The following LRPAP1 variants were observed in gnomAD, a reference collection of about 807,000 sequenced individuals.
The protein encoded by LRPAP1 is LDL receptor related protein associated protein 1, also known as alpha-2-macroglobulin receptor-associated protein.
LRPAP1 carries 41 observed loss-of-function variants against 39.9 expected under a neutral mutation model. The ratio of observed to expected loss-of-function variants is 1.03; its 90% CI spans 0.80 to 1.33. LRPAP1 has a LOEUF of 1.33. LRPAP1 is among the 40% of genes most tolerant of loss of function. The pLI is 0.00. For missense variants in LRPAP1, 565 were observed against 482.3 expected, an observed-to-expected ratio of 1.17 and a Z score of -1.61; for synonymous variants, 263 against 212.7, an observed-to-expected ratio of 1.24 and a Z score of -2.06.
chr4:3,505,035 T>C lies in LRPAP1; in HGVS notation c.*7939A>G, dbSNP rs73080986. On this transcript the variant is annotated 3_prime_UTR_variant, in exon 8 of 8. Coordinates refer to ENST00000650182, the MANE Select transcript of LRPAP1 (RefSeq NM_002337.4). ...GACAGGAACAGACCATTGGAGACTT[T>C]AGGGATGGTTAGTGATACCAGAGGC... 8.8e-3 allele frequency among the ~76,000 whole-genome samples: 1,332 copies of C among 152,216 alleles called. 20 individuals carry two copies. Among genetic ancestry groups the C allele is most frequent in the African/African-American group, 0.03 (1,247 of 41,528 alleles).
rs554105461 is a variant in LRPAP1, at chr4:3,514,519, C to T, written c.1011+233G>A. Among the ~76,000 whole-genome samples the T allele has an allele frequency of 2.6e-4, 39 of 152,362 alleles. No individual in the cohort carries two copies. In the South Asian group the frequency reaches 7.5e-3, roughly 29 times the overall value. ...CGAGGCAGTGGCCCGCCGGGGCCTGCGCTCTCACCTGAGGGTCGGGGGACT... is the reference window on the plus strand; with the variant it reads ...CGAGGCAGTGGCCCGCCGGGGCCTGTGCTCTCACCTGAGGGTCGGGGGACT... On this transcript the variant is annotated intron_variant, in intron 7 of 7. Coordinates refer to ENST00000650182, the MANE Select transcript of LRPAP1 (RefSeq NM_002337.4).
intron 1 of LRPAP1, chr4:3,531,898 T>A (rs1000063787): frequency 6.6e-6 from 3 of 456,410 alleles, no homozygotes; most frequent in Non-Finnish European, 1.2e-5. Context: ...ACCTGTGATC[T>A]AGCCTGGTTC....
intron 7 of LRPAP1, 51 bp downstream of exon 7, chr4:3,514,701 T>C (rs1340909347): frequency 1.9e-6 from 3 of 1,547,728 alleles, no homozygotes; most frequent in Middle Eastern, 2.2e-4. Flanking sequence ...GGCGGCCTCA[T>C]CTTTCCTGCA....
At chr4:3,513,776 C>T (rs1213559260) in intron 7 of LRPAP1, among the ~76,000 whole-genome samples, 6 of 152,332 alleles carry the variant, frequency 3.9e-5, no homozygotes, top group Middle Eastern at 6.8e-3. Context: ...GCAGGTGCTG[C>T]GTCAGCCCAG....
rs183524905 is a variant in LRPAP1 at position 3,527,555 on chromosome 4, T to G, written c.205-2504A>C. ...AGGCGCCTTACTTACCGTGCTGCAC[T>G]GCCCGGGAGGGTCTGAGATGCGAGG... On this transcript the variant is annotated intron_variant, in intron 1 of 7. Transcript: ENST00000650182. Among the ~76,000 whole-genome samples, 13 of 151,914 alleles carry G rather than the reference T, an allele frequency of 8.6e-5. No individual in the cohort carries two copies. The East Asian group carries it at 1.7e-3, about 20-fold the overall frequency.
intron 2 of LRPAP1, among the ~76,000 whole-genome samples, chr4:3,521,161 G>A (rs1729898089): frequency 6.6e-6 from 1 of 152,198 alleles, no homozygotes; most frequent in African/African-American, 2.4e-5. Context: ...TTAGCGGGCG[G>A]TGGGCTTGCC....
Position 3,507,493 on chromosome 4 carries a change from T to C in LRPAP1, c.*5481A>G, listed in dbSNP as rs543844853. ...CATATCATATATTTATACATTATCATCTGCGAATTACTGACATTTGCTTTG... is the reference window on the plus strand; with the variant it reads ...CATATCATATATTTATACATTATCACCTGCGAATTACTGACATTTGCTTTG... On this transcript the variant is annotated 3_prime_UTR_variant, in exon 8 of 8. Coordinates refer to ENST00000650182, the MANE Select transcript of LRPAP1 (RefSeq NM_002337.4). 2.7e-5 allele frequency: 4 copies of C among 150,906 alleles called. No individual in the cohort carries two copies. Among genetic ancestry groups the C allele is most frequent in the East Asian group, 1.9e-4 (1 of 5,194 alleles). 9.3% of individuals were successfully genotyped at this position (150,906 alleles called of 1,614,324 possible).
chr4:3,531,718 G>T (rs922284864), intron 1 of LRPAP1, among the ~76,000 whole-genome samples: 1 of 152,230 alleles, frequency 6.6e-6, no homozygotes, highest in Non-Finnish European at 1.5e-5. Context: ...GCTCTAAACC[G>T]ATCCCATCTC....
intron 6 of LRPAP1, 122 bp from the exon 7 acceptor site, chr4:3,515,050 C>CAAT: frequency 9.0e-7 from 1 of 1,105,578 alleles, no homozygotes; most frequent in Non-Finnish European, 1.3e-6. Flanking sequence ...ACAGGCCTTG[C>CAAT]GGTGACATGG....
intron 1 of LRPAP1, among the ~76,000 whole-genome samples, chr4:3,527,157 G>C (rs1465508467): frequency 2.6e-5 from 4 of 152,054 alleles, no homozygotes; most frequent in African/African-American, 9.7e-5. Flanking sequence ...GTCCCAACCT[G>C]AAAACCCTTT....
At chr4:3,518,293 C>A in intron 4 of LRPAP1, 101 bp from the exon 5 acceptor site, 1 of 1,294,922 alleles carries the variant, frequency 7.7e-7, no homozygotes, top group South Asian at 1.6e-5. Context: ...CAAACTCGCT[C>A]TCATTTCTGG....
At chr4:3,523,319 C>A (rs1008803506) in intron 2 of LRPAP1, among the ~76,000 whole-genome samples, 1 of 152,188 alleles carries the variant, frequency 6.6e-6, no homozygotes, top group Non-Finnish European at 1.5e-5. Flanking sequence ...ACTAGACACG[C>A]TGGTGGGGAC....
intron 1 of LRPAP1, among the ~76,000 whole-genome samples, chr4:3,528,370 C>G (rs565776057): frequency 6.6e-6 from 1 of 152,296 alleles, no homozygotes; most frequent in South Asian, 2.1e-4. Flanking sequence ...GGGCCCAGCA[C>G]TGCTTGGGAC....
At chr4:3,530,438 C>T (rs1166480066) in intron 1 of LRPAP1, among the ~76,000 whole-genome samples, 1 of 152,238 alleles carries the variant, frequency 6.6e-6, no homozygotes, top group Non-Finnish European at 1.5e-5. Context: ...AACACCCTCA[C>T]CCCCGAAGAA....
intron 7 of LRPAP1, among the ~76,000 whole-genome samples, chr4:3,513,256 G>A (rs772166684): frequency 6.6e-6 from 1 of 152,350 alleles, no homozygotes; most frequent in Middle Eastern, 3.4e-3. Context: ...CCACCAGCCA[G>A]GAGCAGTTCA....
At chr4:3,515,003 C>G (rs1251703905) in intron 6 of LRPAP1, 75 bp from the exon 7 acceptor site, 1 of 1,528,132 alleles carries the variant, frequency 6.5e-7, no homozygotes, top group African/African-American at 1.4e-5. Context: ...GGGTGAACTG[C>G]AAGGACGCCA....
intron 2 of LRPAP1, among the ~76,000 whole-genome samples, chr4:3,520,926 C>T (rs1281599467): frequency 6.6e-6 from 1 of 152,246 alleles, no homozygotes; most frequent in Non-Finnish European, 1.5e-5. Flanking sequence ...CACGCTGCCA[C>T]CAACATGATA....
chr4:3,520,027 G>A (rs758050297), intron 3 of LRPAP1, 45 bp downstream of exon 3: 10 of 1,604,600 alleles, frequency 6.2e-6, no homozygotes, highest in African/African-American at 5.4e-5. Context: ...AACACTCAAC[G>A]TAACGGCACC....
chr4:3,514,827 G>A lies in LRPAP1; in HGVS notation c.936C>T (p.Gly312=). 1.2e-6 allele frequency: 2 copies of A among 1,613,520 alleles called. No individual in the cohort carries two copies. Among genetic ancestry groups the A allele is most frequent in the East Asian group, 2.2e-5 (1 of 44,880 alleles). ...GGCTGCGGCTCACACGCTCGCCGTC[G>A]CCCACGCTCTCTGCGTGCCTCAGCT... The part of the protein sequence containing the change: ...HEKLRHAESV[G]DGERVSRSRE... The change falls in exon 7 of 8, where the codon GGC becomes GGT. Residue 312 remains glycine (G), a synonymous_variant. Coordinates refer to ENST00000650182, the MANE Select transcript of LRPAP1 (RefSeq NM_002337.4).
Sources: gnomAD v4.1 joint callset for allele counts (sites outside exome capture counted in the v4.1 genomes callset) on GRCh38, gnomAD v4.1.1 for gene constraint, MANE v1.5 for transcripts, NCBI Gene and HGNC (gene_info 2026-07-23, HGNC 2026-07-21) for gene names.